LRRC4C: variants seen among roughly 807,000 people sequenced by gnomAD.
LRRC4C encodes the protein leucine-rich repeat-containing protein 4C.
LRRC4C carries 5 observed loss-of-function variants against 33.6 expected under a neutral mutation model. The observed-to-expected ratio is 0.15, with a 90% CI of 0.08 to 0.31. The LOEUF (loss-of-function observed/expected upper bound fraction) is 0.31, where lower values mean the gene tolerates loss of function less well. Among genes scored for constraint, LRRC4C ranks in the 10% least tolerant of loss-of-function variants. LRRC4C has a pLI of 1.00. For missense variants in LRRC4C, 560 were observed against 796.7 expected (o/e 0.70, Z 3.58); for synonymous variants, 329 against 302.0 (o/e 1.09, Z -0.93).
chr11:40,803,374 A>C (rs1951116197), intron 2 of LRRC4C, among the ~76,000 whole-genome samples: 1 of 152,204 alleles, frequency 6.6e-6, no homozygotes, highest in Non-Finnish European at 1.5e-5. Flanking sequence ...AACTGAAAGT[A>C]AACAGCTAGC....
At chr11:41,160,020 C>T (rs1173804326) in intron 1 of LRRC4C, among the ~76,000 whole-genome samples, 1 of 151,968 alleles carries the variant, frequency 6.6e-6, no homozygotes, top group Non-Finnish European at 1.5e-5. Context: ...CAAAAGGGCA[C>T]ACACACATAC....
At chr11:41,114,348 G>A (rs1479953215) in intron 1 of LRRC4C, among the ~76,000 whole-genome samples, 18 of 151,910 alleles carry the variant, frequency 1.2e-4, no homozygotes. Context: ...GAATTCCCTG[G>A]AAAGAGAACA....
intron 5 of LRRC4C, among the ~76,000 whole-genome samples, chr11:40,208,683 T>G (rs1263198379): frequency 1.3e-5 from 2 of 152,192 alleles, no homozygotes; most frequent in Non-Finnish European, 2.9e-5. Flanking sequence ...TTAATACATG[T>G]TATTACAAGT....
intron 2 of LRRC4C, among the ~76,000 whole-genome samples, chr11:40,707,118 C>T (rs957030206): frequency 1.3e-5 from 2 of 152,084 alleles, no homozygotes; most frequent in South Asian, 2.1e-4. Flanking sequence ...TGGGCTGAGA[C>T]GATGGGGTTT....
intron 1 of LRRC4C, among the ~76,000 whole-genome samples, chr11:41,347,205 G>GAGGATACTCTCAAGC (rs1951830950): frequency 6.6e-6 from 1 of 152,158 alleles, no homozygotes; most frequent in Non-Finnish European, 1.5e-5. Flanking sequence ...AAACGCTTGA[G>GAGGATACTCTCAAGC]TTATAGCACA....
chr11:40,695,933 T>C (rs1301813569), intron 2 of LRRC4C, among the ~76,000 whole-genome samples: 2 of 151,904 alleles, frequency 1.3e-5, no homozygotes, highest in Non-Finnish European at 2.9e-5. Flanking sequence ...GTTTCAGAGA[T>C]TGGGAAGTAG....
intron 1 of LRRC4C, among the ~76,000 whole-genome samples, chr11:41,078,445 ACT>A (rs1435844481): frequency 6.6e-6 from 1 of 152,096 alleles, no homozygotes; most frequent in Non-Finnish European, 1.5e-5. Flanking sequence ...GATTTAATTG[ACT>A]CACAGTTTCA....
intron 1 of LRRC4C, among the ~76,000 whole-genome samples, chr11:41,189,612 G>GA (rs1420375810): frequency 6.6e-6 from 1 of 152,142 alleles, no homozygotes; most frequent in Non-Finnish European, 1.5e-5. Flanking sequence ...AAGACTAAAG[G>GA]AAAGGTTTAC....
At chr11:41,235,964 C>T (rs1312965097) in intron 1 of LRRC4C, among the ~76,000 whole-genome samples, 1 of 152,006 alleles carries the variant, frequency 6.6e-6, no homozygotes, top group Non-Finnish European at 1.5e-5. Flanking sequence ...ATTGGTGTGC[C>T]AATGGGCCCA....
At chr11:40,836,907 T>C (rs1952698641) in intron 2 of LRRC4C, among the ~76,000 whole-genome samples, 1 of 152,190 alleles carries the variant, frequency 6.6e-6, no homozygotes, top group East Asian at 1.9e-4. Context: ...TCCGTATCTA[T>C]AGTTCCATCC....
At chr11:40,621,393 G>A (rs1203474126) in intron 3 of LRRC4C, among the ~76,000 whole-genome samples, 2 of 151,618 alleles carry the variant, frequency 1.3e-5, no homozygotes, top group Non-Finnish European at 3.0e-5. Flanking sequence ...TGGTTGCCTA[G>A]ACACACCACA....
At chr11:40,604,768 G>C (rs1215498568) in intron 3 of LRRC4C, among the ~76,000 whole-genome samples, 1 of 151,846 alleles carries the variant, frequency 6.6e-6, no homozygotes, top group African/African-American at 2.4e-5. Context: ...AGATAAAAAG[G>C]ATGGATAAAA....
intron 1 of LRRC4C, among the ~76,000 whole-genome samples, chr11:40,990,232 T>G (rs355237): frequency 0.15 from 918 of 6,050 alleles, 19 homozygotes; most frequent in African/African-American, 0.33. Flanking sequence ...TGTCAAGTTT[T>G]ATATATATAT....
intron 2 of LRRC4C, among the ~76,000 whole-genome samples, chr11:40,655,944 C>T (rs908710173): frequency 8.6e-5 from 13 of 152,002 alleles, no homozygotes; most frequent in Admixed American, 5.9e-4. Context: ...AAGAGGAAAT[C>T]GTCATACACT....
intron 3 of LRRC4C, among the ~76,000 whole-genome samples, chr11:40,543,948 A>G (rs1029135229): frequency 6.6e-6 from 1 of 152,102 alleles, no homozygotes; most frequent in Admixed American, 6.6e-5. Flanking sequence ...TTTATCACTG[A>G]CAGCTAAAGG....
chr11:40,333,578 G>T (rs1946456097), intron 3 of LRRC4C, among the ~76,000 whole-genome samples: 1 of 151,888 alleles, frequency 6.6e-6, no homozygotes, highest in African/African-American at 2.4e-5. Flanking sequence ...CTAGCAGGGG[G>T]TGGTGGCAAG....
intron 1 of LRRC4C, among the ~76,000 whole-genome samples, chr11:41,255,483 A>G (rs1224278232): frequency 2.0e-5 from 3 of 152,024 alleles, no homozygotes; most frequent in African/African-American, 7.2e-5. Context: ...AAATTGAGGC[A>G]TATTGAGACT....
At chr11:40,270,896 C>T (rs988509076) in intron 4 of LRRC4C, among the ~76,000 whole-genome samples, 1 of 152,130 alleles carries the variant, frequency 6.6e-6, no homozygotes, top group Non-Finnish European at 1.5e-5. Context: ...CACTAGTGTA[C>T]ATAAACAATT....
intron 6 of LRRC4C, among the ~76,000 whole-genome samples, chr11:40,117,465 A>C (rs1186417438): frequency 6.6e-6 from 1 of 152,198 alleles, no homozygotes; most frequent in African/African-American, 2.4e-5. Context: ...TTATAACAGG[A>C]CTATTATGTC....
Sources: gnomAD v4.1 joint callset for allele counts (sites outside exome capture counted in the v4.1 genomes callset) on GRCh38, gnomAD v4.1.1 for gene constraint, MANE v1.5 for transcripts, NCBI Gene and HGNC (gene_info 2026-07-23, HGNC 2026-07-21) for gene names.